PRELID2: variants seen among roughly 807,000 people sequenced by gnomAD.
The protein encoded by PRELID2 is PRELI domain containing 2, also known as PRELI domain-containing protein 2.
A neutral mutation model predicts 28.4 loss-of-function variants in PRELID2; 25 were observed. That is an observed-to-expected ratio of 0.88 (90% CI 0.64 to 1.23). PRELID2 has a LOEUF of 1.23. Ranked by LOEUF, PRELID2 falls within the 50% of genes most tolerant of loss-of-function variation. PRELID2 has a pLI of 0.00. For synonymous variants in PRELID2, 76 were observed against 71.6 expected, an observed-to-expected ratio of 1.06 and a Z score of -0.31; for missense variants, 201 against 214.4, an observed-to-expected ratio of 0.94 and a Z score of 0.39.
the PRELID2 span, among the ~76,000 whole-genome samples, chr5:145,269,600 C>G: frequency 2.0e-5 from 3 of 151,576 alleles, no homozygotes; most frequent in Non-Finnish European, 4.4e-5. Context: ...AAAGAGGAAG[C>G]AGAAATCAAT....
intron 1 of PRELID2, among the ~76,000 whole-genome samples, chr5:145,740,596 T>C (rs1756649041): frequency 2.4e-4 from 1 of 4,100 alleles, no homozygotes; most frequent in Non-Finnish European, 9.0e-4. Flanking sequence ...TATATAAATA[T>C]ATATATATTA....
At chr5:145,245,187 T>C in the PRELID2 span, among the ~76,000 whole-genome samples, 4 of 152,256 alleles carry the variant, frequency 2.6e-5, no homozygotes, top group East Asian at 7.7e-4. Context: ...CAATAGGATT[T>C]ATTTTCATAG....
chr5:145,279,028 C>G, the PRELID2 span, among the ~76,000 whole-genome samples: 2 of 152,096 alleles, frequency 1.3e-5, no homozygotes, highest in Non-Finnish European at 1.5e-5. Flanking sequence ...GCCGGCTATT[C>G]AAATTATCCA....
At chr5:145,698,947 G>A (rs1352905611) in intron 1 of PRELID2, among the ~76,000 whole-genome samples, 1 of 152,058 alleles carries the variant, frequency 6.6e-6, no homozygotes, top group Admixed American at 6.6e-5. Context: ...GGCTGGTCTC[G>A]AACTCCTGAC....
At chr5:145,336,473 GT>G in the PRELID2 span, among the ~76,000 whole-genome samples, 1 of 151,784 alleles carries the variant, frequency 6.6e-6, no homozygotes, top group African/African-American at 2.4e-5. Context: ...AAGGGATCCA[GT>G]TTCAGCTTTC....
At chr5:145,315,570 GTGTGTGTGTGTGTGT>G in the PRELID2 span, among the ~76,000 whole-genome samples, 1 of 151,508 alleles carries the variant, frequency 6.6e-6, no homozygotes, top group Non-Finnish European at 1.5e-5. Context: ...GTGTGTGTGT[GTGTGTGTGTGTGTGT>G]GTGTAGCAAT....
intron 2 of PRELID2, 28 bp downstream of exon 2, chr5:145,823,049 T>G (rs1182064533): frequency 8.4e-7 from 1 of 1,191,372 alleles, no homozygotes; most frequent in Non-Finnish European, 1.3e-6. Context: ...TAATGATCAT[T>G]ACTGAAAAAA....
chr5:145,279,987 A>G, the PRELID2 span, among the ~76,000 whole-genome samples: 1 of 152,172 alleles, frequency 6.6e-6, no homozygotes, highest in Admixed American at 6.6e-5. Context: ...TAAATGAATG[A>G]TTGGCTTATC....
chr5:145,299,067 A>G, the PRELID2 span, among the ~76,000 whole-genome samples: 1 of 152,102 alleles, frequency 6.6e-6, no homozygotes, highest in Non-Finnish European at 1.5e-5. Context: ...GAGACAAAAC[A>G]GAATAATTAA....
the PRELID2 span, among the ~76,000 whole-genome samples, chr5:145,260,752 C>T: frequency 6.6e-6 from 1 of 152,206 alleles, no homozygotes; most frequent in Admixed American, 6.5e-5. Flanking sequence ...GTGGAACTCA[C>T]ACCATGAACT....
intron 1 of PRELID2, among the ~76,000 whole-genome samples, chr5:145,620,525 C>T (rs1055223875): frequency 1.3e-5 from 2 of 152,054 alleles, no homozygotes; most frequent in Admixed American, 1.3e-4. Flanking sequence ...ATCTTTGTAC[C>T]CTCCTCTCAA....
the PRELID2 span, among the ~76,000 whole-genome samples, chr5:145,359,991 T>C: frequency 3.9e-5 from 6 of 152,212 alleles, no homozygotes; most frequent in Non-Finnish European, 7.3e-5. Context: ...CCTGAGGGAA[T>C]GGCTACATTT....
At chr5:145,482,624 T>A (rs751255505) in intron 1 of PRELID2, among the ~76,000 whole-genome samples, 2 of 152,048 alleles carry the variant, frequency 1.3e-5, no homozygotes, top group Non-Finnish European at 2.9e-5. Flanking sequence ...GGGAAGGGGA[T>A]GGTTTTGGTA....
rs556288833 is a variant in PRELID2, at chr5:145,551,010, T to A, written n.71-77695A>T. Among the ~76,000 whole-genome samples, 18 of 152,298 alleles carry A rather than the reference T, an allele frequency of 1.2e-4. No homozygotes were observed. In the East Asian group the frequency reaches 3.5e-3, roughly 29 times the overall value. ...TTAGCAGTTAAAAACTATACTAATA[T>A]TATCGAGAATAAATGTTCCTGATAA... On this transcript the variant is annotated intron_variant and non_coding_transcript_variant, in intron 1 of 2. Transcript: ENST00000510259.
At chr5:145,738,421 T>C (rs1178978508) in intron 1 of PRELID2, among the ~76,000 whole-genome samples, 2 of 152,080 alleles carry the variant, frequency 1.3e-5, no homozygotes, top group Non-Finnish European at 2.9e-5. Context: ...ATCACAAAAA[T>C]GCTTTGGTAA....
the PRELID2 span, among the ~76,000 whole-genome samples, chr5:145,343,970 A>G: frequency 6.6e-6 from 1 of 152,010 alleles, no homozygotes; most frequent in Non-Finnish European, 1.5e-5. Flanking sequence ...AGGTAGAAAT[A>G]GAAAACCTAA....
At chr5:145,561,271 C>A (rs571548954) in intron 1 of PRELID2, among the ~76,000 whole-genome samples, 6 of 152,066 alleles carry the variant, frequency 3.9e-5, no homozygotes, top group African/African-American at 1.4e-4. Context: ...ATAACTAAGG[C>A]GAAAGTTGGG....
chr5:145,582,265 A>G (rs529274659), intron 1 of PRELID2, among the ~76,000 whole-genome samples: 2 of 152,220 alleles, frequency 1.3e-5, no homozygotes, highest in East Asian at 3.9e-4. Context: ...ATTGACTCAC[A>G]GTTCTGCAGG....
At chr5:145,237,187 A>G in the PRELID2 span, among the ~76,000 whole-genome samples, 2 of 152,180 alleles carry the variant, frequency 1.3e-5, no homozygotes, top group Admixed American at 6.5e-5. Flanking sequence ...GCAGAGCCAC[A>G]GCAGTTGACT....
Sources: gnomAD v4.1 joint callset for allele counts (sites outside exome capture counted in the v4.1 genomes callset) on GRCh38, gnomAD v4.1.1 for gene constraint, MANE v1.5 for transcripts, NCBI Gene and HGNC (gene_info 2026-07-23, HGNC 2026-07-21) for gene names.